RHOBTB2: variants seen among roughly 807,000 people sequenced by gnomAD.
RHOBTB2 encodes the protein Rho related BTB domain containing 2, also known as rho-related BTB domain-containing protein 2.
Under a neutral mutation model 66.5 loss-of-function variants are expected in RHOBTB2, and 39 were observed. That is an observed-to-expected ratio of 0.59 (90% CI 0.45 to 0.77). The LOEUF is 0.77. Among genes scored for constraint, RHOBTB2 ranks in the 30% least tolerant of loss-of-function variants. RHOBTB2 has a pLI of 0.00. For synonymous variants in RHOBTB2, 390 were observed against 395.0 expected, an observed-to-expected ratio of 0.99 and a Z score of 0.15; for missense variants, 755 against 999.1, an observed-to-expected ratio of 0.76 and a Z score of 3.29.
chr8:22,983,889 C>T (rs778118019), upstream of RHOBTB2, among the ~76,000 whole-genome samples: 4 of 152,112 alleles, frequency 2.6e-5, no homozygotes, highest in African/African-American at 4.8e-5. Context: ...TGTGCGCCAC[C>T]ACGCCCAGCT....
chr8:23,005,374 G>A lies in RHOBTB2; in HGVS notation c.195G>A (p.Val65=), dbSNP rs200970233. 1.2e-4 allele frequency: 200 copies of A among 1,612,748 alleles called. No homozygotes were observed. The highest frequency in any genetic ancestry group is 8.5e-7 in the Non-Finnish European group (1 of 1,178,920). Residue 65 remains valine (V), a splice_region_variant and synonymous_variant, in exon 3 of 10, where the codon GTG becomes GTA. Transcript: ENST00000251822. ...AIDQYRVCQE[V]LERSRDVVDD... ...CCACTCTTCCTCCCCGTCCCCAGGT[G>A]CTGGAACGCTCCCGAGACGTGGTAG...
Position 23,017,499 on chromosome 8 carries a change from C to G in RHOBTB2, c.*30C>G, listed in dbSNP as rs759212133. On this transcript the variant is annotated 3_prime_UTR_variant, in exon 10 of 10. Transcript: ENST00000251822. The surrounding 1 kb of genome is among the most constrained non-coding windows in gnomAD (Gnocchi z 5.3). ...CTGCCACCCTCTTCTGACCCTGCTG[C>G]TGTTGTCCCCATCCGCCTTCACCCC... 1.9e-6 allele frequency: 3 copies of G among 1,556,000 alleles called. No homozygotes were observed. The African/African-American group carries it at 4.1e-5, about 21-fold the overall frequency.
At position 23,007,654 on chromosome 8, in the gene RHOBTB2, A is replaced by G. The variant is rs752989589; in HGVS notation, c.1409A>G (p.Asn470Ser). The G allele has an allele frequency of 7.4e-6, 12 of 1,614,132 alleles. No homozygotes were observed. The highest frequency in any genetic ancestry group is 1.0e-5 in the Non-Finnish European group (12 of 1,180,018). The change falls in exon 5 of 10, where the codon AAT becomes AGT. Residue 470 changes from asparagine to serine, a missense_variant. Around this residue, in one of 7 missense-constraint regions of RHOBTB2, gnomAD observed 353 missense variants for 458.2 expected, o/e 0.77. Transcript: ENST00000251822. ...ATGATGGTGGCCAACATTCTCAACA[A>G]TGAGGCCTTCATGAACCAGGAGATC... ...LRMMVANILN[N>S]EAFMNQEITK...
At chr8:23,010,775 G>T in intron 7 of RHOBTB2, 87 bp downstream of exon 7, 1 of 1,432,400 alleles carries the variant, frequency 7.0e-7, no homozygotes. Flanking sequence ...CGTCTCTCCT[G>T]GGGGACAAGC....
At chr8:22,985,795 G>C (rs1415678784), upstream of RHOBTB2, among the ~76,000 whole-genome samples, 1 of 152,194 alleles carries the variant, frequency 6.6e-6, no homozygotes, top group Non-Finnish European at 1.5e-5. Flanking sequence ...GACCTGGCCA[G>C]CCGTTCCTCT....
In RHOBTB2 at chr8:23,006,948, C is replaced by T. The variant is rs781447612; in HGVS notation, c.703C>T (p.Pro235Ser). 2 of 1,612,198 alleles carry T rather than the reference C, an allele frequency of 1.2e-6. No homozygotes were observed. Among genetic ancestry groups the T allele is most frequent in the Admixed American group, 1.7e-5 (1 of 60,010 alleles). The change falls in exon 5 of 10, where the codon CCC becomes TCC. Residue 235 changes from proline (P) to serine (S), a missense_variant. Physicochemically the swap from Pro to Ser is moderately conservative, Grantham distance 74. Transcript: ENST00000251822. This position sits in a 1 kb window ranked among gnomAD's most constrained non-coding sequence, Gnocchi z 6.1. ...QRPLLQAPFLPPKPPPPIIVV... is the reference protein window; with the variant it reads ...QRPLLQAPFLSPKPPPPIIVV... ...GCCTCTGCTGCAGGCACCCTTCCTA[C>T]CCCCCAAGCCACCGCCCCCGATCAT...
Position 23,007,988 on chromosome 8 carries a change from G to T in RHOBTB2, c.1502-5G>T, listed in dbSNP as rs758728268. ...CAGTCCTCCTGTGATGCTTCTTCTG[G>T]ACAGATGTGACCTTCATCCTGGATG... On this transcript the variant is annotated splice_polypyrimidine_tract_variant and splice_region_variant and intron_variant, in intron 5 of 9. Transcript: ENST00000251822. 1 of 1,612,504 alleles carries T rather than the reference G, an allele frequency of 6.2e-7. No individual in the cohort carries two copies. The highest frequency in any genetic ancestry group is 1.7e-5 in the Admixed American group (1 of 59,968).
the RHOBTB2 span, among the ~76,000 whole-genome samples, chr8:22,952,815 G>A: frequency 6.6e-6 from 1 of 152,132 alleles, no homozygotes; most frequent in Non-Finnish European, 1.5e-5. Context: ...TGAGGCAGGA[G>A]AATTGCTTGA....
At chr8:22,960,162 G>A in the RHOBTB2 span, among the ~76,000 whole-genome samples, 6 of 149,328 alleles carry the variant, frequency 4.0e-5, no homozygotes, top group African/African-American at 1.5e-4. Context: ...TAGCCTGGGC[G>A]ACAGAGTGAG....
At chr8:22,979,915 G>T in the RHOBTB2 span, among the ~76,000 whole-genome samples, 2 of 151,364 alleles carry the variant, frequency 1.3e-5, no homozygotes, top group South Asian at 4.2e-4. Flanking sequence ...GTGCCATCAC[G>T]CTCAGCTAAT....
At chr8:23,011,522 C>T (rs562693672) in intron 7 of RHOBTB2, among the ~76,000 whole-genome samples, 89 of 152,270 alleles carry the variant, frequency 5.8e-4, no homozygotes, top group Non-Finnish European at 2.6e-4. Context: ...TTGTACGAGC[C>T]GGAGCTCAGC....
intron 7 of RHOBTB2, 33 bp from the exon 8 acceptor site, chr8:23,014,657 T>G (rs777593061): frequency 9.0e-5 from 143 of 1,597,492 alleles, no homozygotes; most frequent in Admixed American, 1.7e-4. Context: ...GTCATGTGCT[T>G]CTTCAGCTGA....
chr8:23,014,804 C>A (rs1251968683), intron 8 of RHOBTB2, 26 bp downstream of exon 8: 9 of 1,577,664 alleles, frequency 5.7e-6, no homozygotes, highest in Non-Finnish European at 7.8e-6. Context: ...AGGGAATCTA[C>A]AACAGTCTCA....
chr8:23,001,272 A>G (rs1035174357), intron 1 of RHOBTB2, among the ~76,000 whole-genome samples: 2 of 152,014 alleles, frequency 1.3e-5, no homozygotes, highest in Non-Finnish European at 2.9e-5. Flanking sequence ...GGATGAGGCA[A>G]TTGTGAGGGA....
chr8:23,004,671 T>G lies in RHOBTB2; in HGVS notation c.192+45T>G. The G allele has an allele frequency of 6.4e-7, 1 of 1,556,336 alleles. No homozygotes were observed. The highest frequency in any genetic ancestry group is 8.7e-7 in the Non-Finnish European group (1 of 1,146,292). On this transcript the variant is annotated intron_variant, in intron 2 of 9. Coordinates refer to ENST00000251822, the MANE Select transcript of RHOBTB2 (RefSeq NM_015178.3). This position sits in a 1 kb window ranked among gnomAD's most constrained non-coding sequence, Gnocchi z 6.4. The stretch of plus-strand genomic sequence containing the variant: ...TGGCTGGGGGTCCACGCCATGAGTC[T>G]GGGCTTGGGGGCTTCCTGAGGCATA...
Position 23,017,222 on chromosome 8 carries a change from T to C in RHOBTB2, c.1967-30T>C. 5.6e-6 allele frequency: 9 copies of C among 1,612,634 alleles called. No homozygotes were observed. The highest frequency in any genetic ancestry group is 7.6e-6 in the Non-Finnish European group (9 of 1,178,940). Reference sequence around the variant, plus strand: ...GTTCCTCTTGTCCCTCTGCCTCCTTTCTAACCAAGCTGCCTGCTCTCTGCT... The same window carrying C: ...GTTCCTCTTGTCCCTCTGCCTCCTTCCTAACCAAGCTGCCTGCTCTCTGCT... On this transcript the variant is annotated intron_variant, in intron 9 of 9. Coordinates refer to ENST00000251822, the MANE Select transcript of RHOBTB2 (RefSeq NM_015178.3). This position sits in a 1 kb window ranked among gnomAD's most constrained non-coding sequence, Gnocchi z 5.3.
At chr8:22,986,703 A>G (rs192483028), upstream of RHOBTB2, among the ~76,000 whole-genome samples, 2 of 152,340 alleles carry the variant, frequency 1.3e-5, no homozygotes, top group Admixed American at 6.5e-5. Flanking sequence ...TCACCTCAGT[A>G]TAAAGGTCCT....
At chr8:22,981,411 C>T in the RHOBTB2 span, among the ~76,000 whole-genome samples, 1 of 152,178 alleles carries the variant, frequency 6.6e-6, no homozygotes, top group African/African-American at 2.4e-5. Context: ...GTGTAGGACC[C>T]CCTCACCCTG....
the RHOBTB2 span, among the ~76,000 whole-genome samples, chr8:22,982,398 G>C: frequency 6.6e-6 from 1 of 152,158 alleles, no homozygotes; most frequent in South Asian, 2.1e-4. Flanking sequence ...GAGGTCGGTG[G>C]ATCACTTGAG....
Sources: gnomAD v4.1 joint callset for allele counts (sites outside exome capture counted in the v4.1 genomes callset) on GRCh38, gnomAD v4.1.1 for gene constraint, gnomAD v4.1.1 regional missense constraint, Gnocchi (gnomAD v3.1) non-coding constraint, MANE v1.5 for transcripts, NCBI Gene and HGNC (gene_info 2026-07-23, HGNC 2026-07-21) for gene names.